CASZ1: variants seen among roughly 807,000 people sequenced by gnomAD.
CASZ1 encodes zinc finger protein castor homolog 1.
Under a neutral mutation model 135.2 loss-of-function variants are expected in CASZ1, and 28 were observed. The observed-to-expected ratio is 0.21, with a 90% CI of 0.15 to 0.28. CASZ1 has a LOEUF of 0.28. Among genes scored for constraint, CASZ1 ranks in the 10% least tolerant of loss-of-function variants. CASZ1 has a pLI of 1.00. For synonymous variants in CASZ1, 1,068 were observed against 1,073.4 expected, an observed-to-expected ratio of 0.99 and a Z score of 0.10; for missense variants, 2,161 against 2,453.3, an observed-to-expected ratio of 0.88 and a Z score of 2.52.
chr1:10,698,390 T>C (rs2100424783), intron 3 of CASZ1, among the ~76,000 whole-genome samples: 1 of 152,354 alleles, frequency 6.6e-6, no homozygotes, highest in Non-Finnish European at 1.5e-5. Flanking sequence ...TAAATACCGA[T>C]GCCAGGGGTC....
At chr1:10,791,817 GAA>G (rs1196431166) in intron 1 of CASZ1, among the ~76,000 whole-genome samples, 2 of 152,078 alleles carry the variant, frequency 1.3e-5, no homozygotes, top group East Asian at 3.8e-4. Flanking sequence ...GGAAAAAAAA[GAA>G]AGTCATTAAT....
At chr1:10,789,996 C>T (rs983023089) in intron 1 of CASZ1, among the ~76,000 whole-genome samples, 2 of 152,104 alleles carry the variant, frequency 1.3e-5, no homozygotes, top group South Asian at 2.1e-4. Context: ...GGTGGGGGTG[C>T]CCCCCTCCCC....
chr1:10,668,517 G>A (rs780607897), intron 4 of CASZ1, among the ~76,000 whole-genome samples: 13 of 152,230 alleles, frequency 8.5e-5, no homozygotes, highest in Non-Finnish European at 1.8e-4. Context: ...TGCTTCCCCA[G>A]AGACGGGAGA....
chr1:10,709,757 C>T lies in CASZ1; in HGVS notation c.-76-4213G>A, dbSNP rs542683659. ...CCCCGGGCAGTGCCGCAGGGGGATGCGCACCAGGGGGATCCCATGGCATAA... is the reference window on the plus strand; with the variant it reads ...CCCCGGGCAGTGCCGCAGGGGGATGTGCACCAGGGGGATCCCATGGCATAA... On this transcript the variant is annotated intron_variant, in intron 2 of 20. Coordinates refer to ENST00000377022, the MANE Select transcript of CASZ1 (RefSeq NM_001079843.3). The surrounding 1 kb of genome is among the most constrained non-coding windows in gnomAD (Gnocchi z 5.1). 1.7e-3 allele frequency among the ~76,000 whole-genome samples: 264 copies of T among 152,258 alleles called. 1 individual carries two copies. The highest frequency in any genetic ancestry group is 6.0e-3 in the African/African-American group (249 of 41,540).
intron 1 of CASZ1, among the ~76,000 whole-genome samples, chr1:10,793,866 T>C (rs955834618): frequency 6.6e-6 from 1 of 151,966 alleles, no homozygotes; most frequent in African/African-American, 2.4e-5. Flanking sequence ...AAAACCGAAG[T>C]TTGGGAAGTG....
chr1:10,760,304 A>T (rs926460937), intron 2 of CASZ1, among the ~76,000 whole-genome samples: 1 of 152,216 alleles, frequency 6.6e-6, no homozygotes, highest in Non-Finnish European at 1.5e-5. Flanking sequence ...TAATGCTTAG[A>T]TCTGGGAGTG....
chr1:10,712,099 A>C (rs1480423407), intron 2 of CASZ1, among the ~76,000 whole-genome samples: 2 of 151,974 alleles, frequency 1.3e-5, no homozygotes, highest in African/African-American at 2.4e-5. Flanking sequence ...TAATCCCAGC[A>C]CTTCGGGAGA....
chr1:10,678,735 G>T (rs927906322), intron 4 of CASZ1, among the ~76,000 whole-genome samples: 1 of 152,128 alleles, frequency 6.6e-6, no homozygotes, highest in Non-Finnish European at 1.5e-5. Flanking sequence ...AGGGGGGAGG[G>T]CAGAGGATTC....
chr1:10,639,504 C>CAGTGGA lies in CASZ1; in HGVS notation c.4712_4717dup (p.Phe1571_His1572dup). On this transcript the variant is annotated inframe_insertion, in exon 21 of 21. Coordinates refer to ENST00000377022, the MANE Select transcript of CASZ1 (RefSeq NM_001079843.3). The surrounding 1 kb of genome is among the most constrained non-coding windows in gnomAD (Gnocchi z 4.0). ...CGTGTGGCGGCAGCCCGGGAAGGTG[C>CAGTGGA]AGTGGAAGTGCGAGCACTTGAGCTT... The CAGTGGA allele has an allele frequency of 6.2e-7, 1 of 1,611,754 alleles. No individual in the cohort carries two copies. The highest frequency in any genetic ancestry group is 8.5e-7 in the Non-Finnish European group (1 of 1,179,530).
rs75799176 is a variant in CASZ1 at position 10,697,740 on chromosome 1, C to T, written c.-23-3828G>A. On this transcript the variant is annotated intron_variant, in intron 3 of 20. Coordinates refer to ENST00000377022, the MANE Select transcript of CASZ1 (RefSeq NM_001079843.3). The surrounding 1 kb of genome is among the most constrained non-coding windows in gnomAD (Gnocchi z 4.7). ...AACTTTCACATAAACTTGAACAAAG[C>T]TCCTTTTGTTATTGCACCCCACCCC... is the stretch of plus-strand genomic sequence containing the variant. Among the ~76,000 whole-genome samples, 1,642 of 152,362 alleles carry T rather than the reference C, an allele frequency of 0.011. 34 individuals carry two copies. Among genetic ancestry groups the T allele is most frequent in the African/African-American group, 0.038 (1,561 of 41,572 alleles).
At chr1:10,754,528 G>C (rs1570562492) in intron 2 of CASZ1, among the ~76,000 whole-genome samples, 1 of 152,112 alleles carries the variant, frequency 6.6e-6, no homozygotes, top group Non-Finnish European at 1.5e-5. Flanking sequence ...CCTCTCCCCT[G>C]ACCCTACTGG....
At chr1:10,682,400 G>T (rs1408108605) in intron 4 of CASZ1, among the ~76,000 whole-genome samples, 1 of 152,216 alleles carries the variant, frequency 6.6e-6, no homozygotes, top group East Asian at 1.9e-4. Flanking sequence ...TGGATCAAGG[G>T]CCCCGGAAGA....
intron 5 of CASZ1, among the ~76,000 whole-genome samples, chr1:10,663,103 G>A (rs1054862508): frequency 9.2e-5 from 14 of 152,204 alleles, no homozygotes; most frequent in South Asian, 8.3e-4. Flanking sequence ...CTCTGCTCAT[G>A]TGCAAGCCAG....
At chr1:10,649,034 G>A in intron 15 of CASZ1, 36 bp downstream of exon 15, 2 of 1,605,892 alleles carry the variant, frequency 1.2e-6, no homozygotes, top group Non-Finnish European at 1.7e-6. Flanking sequence ...GGGATCCGTG[G>A]GGCTCTGTGG....
chr1:10,753,962 C>A (rs535259918), intron 2 of CASZ1, among the ~76,000 whole-genome samples: 4 of 152,324 alleles, frequency 2.6e-5, no homozygotes, highest in African/African-American at 9.6e-5. Context: ...GAGGGCCCCC[C>A]ACCCTGACCC....
chr1:10,646,920 T>A lies in CASZ1; in HGVS notation c.3498-594A>T, dbSNP rs1215577967. Among the ~76,000 whole-genome samples, 1 of 152,158 alleles carries A rather than the reference T, an allele frequency of 6.6e-6. No homozygotes were observed. The highest frequency in any genetic ancestry group is 2.4e-5 in the African/African-American group (1 of 41,440). On this transcript the variant is annotated intron_variant, in intron 16 of 20. Transcript: ENST00000377022. This position sits in a 1 kb window ranked among gnomAD's most constrained non-coding sequence, Gnocchi z 6.4. ...TCACTTGCCGGCGGAGTGGGAGAGC[T>A]GCTGGGGCAGAGCGGGTGTGCTGGC...
Position 10,665,269 on chromosome 1 carries a change from C to A in CASZ1, c.319G>T (p.Gly107Trp). The part of the protein sequence containing the change: ...SEEPAPTPVL[G>W]RIAREGLELP... ...TCCAGGCCCTCGCGGGCAATCCGCC[C>A]CAACACGGGTGTGGGTGCCGGCTCC... Residue 107 changes from glycine to tryptophan, a missense_variant, in exon 5 of 21, where the codon GGG becomes TGG. By Grantham distance (184) the Gly-to-Trp change is radical. Coordinates refer to ENST00000377022, the MANE Select transcript of CASZ1 (RefSeq NM_001079843.3). 6.2e-7 allele frequency: 1 copy of A among 1,610,964 alleles called. No individual in the cohort carries two copies. Among genetic ancestry groups the A allele is most frequent in the East Asian group, 2.2e-5 (1 of 44,828 alleles).
chr1:10,748,060 C>G (rs942665171), intron 2 of CASZ1, among the ~76,000 whole-genome samples: 1 of 152,258 alleles, frequency 6.6e-6, no homozygotes, highest in East Asian at 1.9e-4. Flanking sequence ...CCTCGTGATC[C>G]GCCCGCCTCG....
At chr1:10,682,170 AGGGACAGCCACCTGCTGTCCCAGACAACT>A (rs1394312327) in intron 4 of CASZ1, among the ~76,000 whole-genome samples, 6 of 152,204 alleles carry the variant, frequency 3.9e-5, no homozygotes, top group Admixed American at 2.6e-4. Context: ...CACAACACAC[AGGGACAGCCACCTGCTGTCCCAGACAACT>A]GGGACAGCCG....
Sources: allele counts gnomAD v4.1 joint callset (sites outside exome capture counted in the v4.1 genomes callset), GRCh38; gene constraint gnomAD v4.1.1; non-coding constraint Gnocchi (gnomAD v3.1); transcripts MANE v1.5; gene names NCBI Gene and HGNC (gene_info 2026-07-23, HGNC 2026-07-21).